The following FYTTD1 variants were observed in gnomAD, a reference collection of about 807,000 sequenced individuals.
FYTTD1 encodes the protein forty-two-three domain containing 1.
In FYTTD1, 22 loss-of-function variants were observed where a neutral mutation model predicts 40.9. The observed-to-expected ratio is 0.54, with a 90% CI of 0.38 to 0.77. FYTTD1 has a LOEUF of 0.77. Ranked by LOEUF, FYTTD1 falls within the 30% of genes least tolerant of loss-of-function variation. FYTTD1 has a pLI of 0.00. For missense variants in FYTTD1, 351 were observed against 392.2 expected (o/e 0.90, Z 0.89); for synonymous variants, 140 against 137.9 (o/e 1.01, Z -0.10).
At chr3:197,758,646 T>C (rs1427599309) in intron 2 of FYTTD1, among the ~76,000 whole-genome samples, 2 of 152,196 alleles carry the variant, frequency 1.3e-5, no homozygotes, top group Non-Finnish European at 1.5e-5. Flanking sequence ...ATAAATGATA[T>C]CTAGGGGCAG....
intron 8 of FYTTD1, among the ~76,000 whole-genome samples, chr3:197,781,005 A>AAG (rs1431067655): frequency 6.6e-6 from 1 of 152,012 alleles, no homozygotes; most frequent in Non-Finnish European, 1.5e-5. Flanking sequence ...TGAAGATACA[A>AAG]AGGATGGATA....
chr3:197,772,093 AAAAAAT>A (rs1458112060), intron 4 of FYTTD1, among the ~76,000 whole-genome samples: 3 of 152,322 alleles, frequency 2.0e-5, no homozygotes, highest in Non-Finnish European at 2.9e-5. Context: ...CTCTGTCTCA[AAAAAAT>A]AAAAATAAAA....
intron 2 of FYTTD1, among the ~76,000 whole-genome samples, chr3:197,762,513 T>A (rs1035008569): frequency 1.3e-5 from 2 of 150,964 alleles, no homozygotes; most frequent in African/African-American, 4.9e-5. Flanking sequence ...CGCTTGAACC[T>A]GGGAGGTGGA....
At chr3:197,773,706 A>G (rs913718571) in intron 5 of FYTTD1, among the ~76,000 whole-genome samples, 29 of 152,184 alleles carry the variant, frequency 1.9e-4, no homozygotes, top group African/African-American at 7.0e-4. Flanking sequence ...TAAGAATTTA[A>G]CTCGTTATTT....
intron 6 of FYTTD1, among the ~76,000 whole-genome samples, 186 bp downstream of exon 6, chr3:197,774,396 TTGA>T (rs1560499564): frequency 6.6e-6 from 1 of 152,206 alleles, no homozygotes; most frequent in Non-Finnish European, 1.5e-5. Flanking sequence ...AGCAAGAGAA[TTGA>T]TGGAGCCCAA....
In FYTTD1 at chr3:197,764,259, G is replaced by A. The variant is rs140721364; in HGVS notation, c.236-4180G>A. Among the ~76,000 whole-genome samples, 99 of 152,326 alleles carry A rather than the reference G, an allele frequency of 6.5e-4. No homozygotes were observed. In the East Asian group the frequency reaches 0.018, roughly 28 times the overall value. On this transcript the variant is annotated intron_variant, in intron 2 of 8. Coordinates refer to ENST00000241502, the MANE Select transcript of FYTTD1 (RefSeq NM_032288.7). ...ACAGTTACAGAGCATAAGAGGGAAG[G>A]GGAGATAATTGGGGCAGTATGTATA...
intron 7 of FYTTD1, 152 bp downstream of exon 7, chr3:197,777,153 G>A (rs1035956191): frequency 1.6e-5 from 9 of 569,348 alleles, no homozygotes; most frequent in African/African-American, 7.6e-5. Flanking sequence ...ACAGTATATG[G>A]TGTAAAGTAA....
intron 1 of FYTTD1, among the ~76,000 whole-genome samples, chr3:197,751,354 G>A (rs1729034405): frequency 6.6e-6 from 1 of 152,336 alleles, no homozygotes; most frequent in African/African-American, 2.4e-5. Context: ...AAATGAGAAA[G>A]CTGGGGCTGG....
rs111642162 is a variant in FYTTD1 at position 197,764,862 on chromosome 3, G to T, written c.236-3577G>T. Among the ~76,000 whole-genome samples the T allele has an allele frequency of 6.1e-3, 907 of 149,912 alleles. 11 individuals are homozygous for T. The highest frequency in any genetic ancestry group is 0.021 in the African/African-American group (860 of 40,760). ...TTCTATTCCATACTTTTTTTTTTTGGGGGGGGAGGATGGAGTCTTGCCCTG... is the reference window on the plus strand; with the variant it reads ...TTCTATTCCATACTTTTTTTTTTTGTGGGGGGAGGATGGAGTCTTGCCCTG... On this transcript the variant is annotated intron_variant, in intron 2 of 8. Transcript: ENST00000241502.
chr3:197,765,805 G>T (rs1580455903), intron 2 of FYTTD1, among the ~76,000 whole-genome samples: 2 of 151,886 alleles, frequency 1.3e-5, no homozygotes, highest in Admixed American at 1.3e-4. Flanking sequence ...GACTATCCTG[G>T]CTAACACAGC....
intron 2 of FYTTD1, among the ~76,000 whole-genome samples, chr3:197,757,495 T>C (rs1729245383): frequency 6.6e-6 from 1 of 152,246 alleles, no homozygotes; most frequent in South Asian, 2.1e-4. Context: ...CCTCAAAATA[T>C]GTATAACTGA....
chr3:197,756,300 C>A, intron 1 of FYTTD1, 126 bp from the exon 2 acceptor site: 4 of 684,032 alleles, frequency 5.8e-6, no homozygotes, highest in South Asian at 3.8e-5. Flanking sequence ...TTGTTATTAT[C>A]CTCTTATGGA....
In FYTTD1 at chr3:197,785,337, G is replaced by A. The variant is rs1247564121; in HGVS notation, c.*3428G>A. 1 of 152,136 alleles carries A rather than the reference G, an allele frequency of 6.6e-6. No individual in the cohort carries two copies. Among genetic ancestry groups the A allele is most frequent in the African/African-American group, 2.4e-5 (1 of 41,428 alleles). 9.4% of individuals were successfully genotyped at this position (152,136 alleles called of 1,614,324 possible). On this transcript the variant is annotated 3_prime_UTR_variant, in exon 9 of 9. Transcript: ENST00000241502. ...TGTAAACGAAAAGTTGGCCCACTGT[G>A]TACATGGATTTTCCATTCCAAGATG...
At chr3:197,769,016 T>C (rs1014715630) in intron 3 of FYTTD1, among the ~76,000 whole-genome samples, 2 of 149,836 alleles carry the variant, frequency 1.3e-5, no homozygotes, top group African/African-American at 4.9e-5. Flanking sequence ...CTGCCCACCT[T>C]GGCCTCCCAA....
chr3:197,780,951 A>G (rs936765103), intron 8 of FYTTD1, among the ~76,000 whole-genome samples: 1 of 152,054 alleles, frequency 6.6e-6, no homozygotes, highest in Admixed American at 6.5e-5. Context: ...TGGGTATTCA[A>G]TTTTGTCAAA....
intron 2 of FYTTD1, among the ~76,000 whole-genome samples, chr3:197,766,807 G>C (rs1486111162): frequency 6.6e-6 from 1 of 152,112 alleles, no homozygotes; most frequent in Admixed American, 6.6e-5. Flanking sequence ...CCGAAAGATT[G>C]ACTCAGTTCA....
chr3:197,768,976 G>A (rs1274954970), intron 3 of FYTTD1, among the ~76,000 whole-genome samples: 1 of 151,486 alleles, frequency 6.6e-6, no homozygotes, highest in African/African-American at 2.4e-5. Flanking sequence ...TGTTGGCCAG[G>A]CTGGTCTCGA....
intron 1 of FYTTD1, 119 bp downstream of exon 1, chr3:197,750,193 TG>T: frequency 1.1e-6 from 1 of 908,730 alleles, no homozygotes. Flanking sequence ...TTCTCGCTGG[TG>T]GGCGGACCCG....
chr3:197,777,750 T>G (rs1395267646), intron 7 of FYTTD1, among the ~76,000 whole-genome samples: 1 of 152,226 alleles, frequency 6.6e-6, no homozygotes, highest in East Asian at 1.9e-4. Flanking sequence ...CGTCTCACTC[T>G]GATGCCCAGG....
Sources: allele counts gnomAD v4.1 joint callset (sites outside exome capture counted in the v4.1 genomes callset), GRCh38; gene constraint gnomAD v4.1.1; transcripts MANE v1.5; gene names NCBI Gene and HGNC (gene_info 2026-07-23, HGNC 2026-07-21).